The following RBPJ variants were observed in gnomAD, a reference collection of about 807,000 sequenced individuals.
The protein encoded by RBPJ is recombining binding protein suppressor of hairless.
Under a neutral mutation model 67.8 loss-of-function variants are expected in RBPJ, and 9 were observed. The observed-to-expected ratio is 0.13, with a 90% CI of 0.08 to 0.23. The LOEUF is 0.23. RBPJ is among the 10% of genes least tolerant of loss of function. The pLI, the probability that RBPJ is intolerant of heterozygous loss-of-function variation, is 1.00. For synonymous variants in RBPJ, 198 were observed against 203.3 expected, an observed-to-expected ratio of 0.97 and a Z score of 0.22; for missense variants, 305 against 595.6, an observed-to-expected ratio of 0.51 and a Z score of 5.08.
chr4:26,273,233 C>T (rs1447968668), intron 1 of RBPJ, among the ~76,000 whole-genome samples: 1 of 152,196 alleles, frequency 6.6e-6, no homozygotes. Flanking sequence ...ACCACCCCTC[C>T]ACCTCCTTTT....
chr4:26,138,396 G>T, the RBPJ span, among the ~76,000 whole-genome samples: 311 of 152,216 alleles, frequency 2.0e-3, 3 homozygotes, highest in African/African-American at 7.3e-3. Flanking sequence ...GCAGAGCAGG[G>T]ATGAAAAGAG....
At chr4:26,297,677 G>T (rs1012962907) in intron 1 of RBPJ, among the ~76,000 whole-genome samples, 20 of 151,602 alleles carry the variant, frequency 1.3e-4, no homozygotes, top group African/African-American at 4.8e-4. Flanking sequence ...GAAACCAGAT[G>T]CAAGAAAATT....
Position 26,431,028 on chromosome 4 carries a change from C to T in RBPJ, c.*21C>T, listed in dbSNP as rs763013895. 6.3e-7 allele frequency: 1 copy of T among 1,594,272 alleles called. No individual in the cohort carries two copies. Among genetic ancestry groups the T allele is most frequent in the South Asian group, 1.1e-5 (1 of 90,434 alleles). ...CCTAACTACCGTCTTTTTGCTAGGA[C>T]TTAAACTGACTTGAGTGTGGCAAAA... On this transcript the variant is annotated 3_prime_UTR_variant, in exon 11 of 11. Coordinates refer to ENST00000355476, the MANE Select transcript of RBPJ (RefSeq NM_015874.6).
chr4:26,328,470 A>T (rs1043452359), intron 1 of RBPJ, among the ~76,000 whole-genome samples: 1 of 152,198 alleles, frequency 6.6e-6, no homozygotes, highest in Non-Finnish European at 1.5e-5. Flanking sequence ...TGTAACCGAT[A>T]TTTAGTGTTG....
chr4:26,137,883 C>T, the RBPJ span, among the ~76,000 whole-genome samples: 18 of 152,286 alleles, frequency 1.2e-4, no homozygotes, highest in East Asian at 2.5e-3. Context: ...CCTTCAGGGA[C>T]GGGCCCCAGT....
intron 1 of RBPJ, among the ~76,000 whole-genome samples, chr4:26,329,767 G>C (rs569458514): frequency 1.3e-5 from 2 of 151,992 alleles, no homozygotes; most frequent in Admixed American, 1.3e-4. Context: ...GTTGGCAGGC[G>C]CCTGTAGTCA....
chr4:26,229,490 C>A (rs769946144), intron 1 of RBPJ, among the ~76,000 whole-genome samples: 7 of 152,162 alleles, frequency 4.6e-5, no homozygotes, highest in Non-Finnish European at 1.0e-4. Flanking sequence ...AAAGGCCATA[C>A]CGTCCCCAGT....
chr4:26,282,150 T>C (rs55635247), intron 1 of RBPJ, among the ~76,000 whole-genome samples: 48,257 of 149,112 alleles, frequency 0.32, 9,341 homozygotes, highest in Admixed American at 0.42. Context: ...TTTTTTTTTT[T>C]TTTTTTGCTA....
At chr4:26,331,342 C>T (rs1313352070) in intron 1 of RBPJ, among the ~76,000 whole-genome samples, 1 of 151,982 alleles carries the variant, frequency 6.6e-6, no homozygotes, top group African/African-American at 2.4e-5. Context: ...CGGCCTCAGC[C>T]TTCCAAAGTG....
At chr4:26,301,675 G>T (rs2109299959) in intron 1 of RBPJ, among the ~76,000 whole-genome samples, 1 of 151,686 alleles carries the variant, frequency 6.6e-6, no homozygotes, top group South Asian at 2.1e-4. Context: ...TAAAATAATA[G>T]AAAATTTCAA....
At chr4:26,214,633 GAAAAAGA>G (rs1165996165) in intron 1 of RBPJ, among the ~76,000 whole-genome samples, 6 of 52,756 alleles carry the variant, frequency 1.1e-4, no homozygotes, top group Non-Finnish European at 1.9e-4. Context: ...AAAAGAGAAA[GAAAAAGA>G]AAAAAGAAAG....
intron 4 of RBPJ, among the ~76,000 whole-genome samples, chr4:26,417,539 A>G (rs1489162342): frequency 6.6e-6 from 1 of 152,194 alleles, no homozygotes; most frequent in Non-Finnish European, 1.5e-5. Context: ...AGCCAAAATT[A>G]TATGTTAATA....
intron 1 of RBPJ, among the ~76,000 whole-genome samples, chr4:26,378,327 T>G (rs1049912377): frequency 3.9e-5 from 6 of 152,198 alleles, no homozygotes; most frequent in African/African-American, 1.4e-4. Flanking sequence ...CCCCAGAGTC[T>G]GATTGCCTCT....
the RBPJ span, among the ~76,000 whole-genome samples, chr4:26,140,721 C>T: frequency 3.4e-5 from 5 of 147,456 alleles, no homozygotes; most frequent in East Asian, 2.0e-4. Flanking sequence ...GGTCCAGCAC[C>T]GCCCTAGTGT....
At chr4:26,383,789 A>T (rs1439854579) in intron 1 of RBPJ, 1 of 152,150 alleles carries the variant, frequency 6.6e-6, no homozygotes, top group Non-Finnish European at 1.5e-5. Flanking sequence ...TGGGTTGATC[A>T]GTAGTTCAGT....
chr4:26,400,628 C>A (rs1458335570), intron 2 of RBPJ, among the ~76,000 whole-genome samples: 2 of 152,156 alleles, frequency 1.3e-5, no homozygotes, highest in Non-Finnish European at 2.9e-5. Flanking sequence ...TTTTAATATT[C>A]TGTTTAATAA....
In RBPJ at chr4:26,431,184, TAAAAAAAAAAAAAAAAA is replaced by T. The variant is rs897964346; in HGVS notation, c.*188_*204del. Reference sequence around the variant, plus strand: ...CTGATTTGAAATGCAGAAGCCACAGTAAAAAAAAAAAAAAAAAAAAAAAAAAAGAAAAAAAAATCAAA... The same window carrying T: ...CTGATTTGAAATGCAGAAGCCACAGTAAAAAAAAAAGAAAAAAAAATCAAA... On this transcript the variant is annotated 3_prime_UTR_variant, in exon 11 of 11. Transcript: ENST00000355476. The T allele has an allele frequency of 1.5e-4, 6 of 40,798 alleles. 2 individuals carry two copies. In the Admixed American group the frequency reaches 2.1e-3, roughly 14 times the overall value. The allele number at this position is 40,798 out of a possible 1,614,324, so 2.5% of individuals were successfully genotyped here. A position where few individuals can be genotyped will look rare whatever the true frequency, so the allele number is the denominator to read the frequency against.
intron 1 of RBPJ, among the ~76,000 whole-genome samples, chr4:26,281,772 C>T (rs1382178073): frequency 6.6e-6 from 1 of 152,156 alleles, no homozygotes; most frequent in Non-Finnish European, 1.5e-5. Flanking sequence ...CAAGCCTTTC[C>T]CCCATTTACA....
rs113390508 is a variant in RBPJ at position 26,231,158 on chromosome 4, G to A, written c.-167+67544G>A. Among the ~76,000 whole-genome samples the A allele has an allele frequency of 1.5e-3, 222 of 152,238 alleles. 1 individual carries two copies. Among genetic ancestry groups the A allele is most frequent in the African/African-American group, 5.2e-3 (214 of 41,548 alleles). On this transcript the variant is annotated intron_variant, in intron 1 of 4. Coordinates refer to the RBPJ transcript ENST00000512351. ...GGAGCAATTTCAACATTTTAACTGT[G>A]TCTTACACTCAAAAGAGCCATAAAA...
Sources: gnomAD v4.1 joint callset for allele counts (sites outside exome capture counted in the v4.1 genomes callset) on GRCh38, gnomAD v4.1.1 for gene constraint, MANE v1.5 for transcripts, NCBI Gene and HGNC (gene_info 2026-07-23, HGNC 2026-07-21) for gene names.